The following POLG variants were observed in gnomAD, a reference collection of about 807,000 sequenced individuals.
The protein encoded by POLG is DNA polymerase gamma, catalytic subunit.
In POLG, 110 loss-of-function variants were observed where a neutral mutation model predicts 155.4. The observed-to-expected ratio is 0.71, with a 90% CI of 0.61 to 0.83. POLG has a LOEUF of 0.83. Ranked by LOEUF, POLG falls within the 40% of genes least tolerant of loss-of-function variation. POLG has a pLI of 0.00. For missense variants in POLG, 1,685 were observed against 1,627.5 expected (o/e 1.04, Z -0.61); for synonymous variants, 701 against 631.5 (o/e 1.11, Z -1.65).
At position 89,316,355 on chromosome 15, in the gene POLG, G is replaced by A; in HGVS notation, c.*396C>T. 6.4e-7 allele frequency: 1 copy of A among 1,574,072 alleles called. No homozygotes were observed. Among genetic ancestry groups the A allele is most frequent in the East Asian group, 2.3e-5 (1 of 43,912 alleles). ...TTCTTTTTATTTCCACTGCCTTGGA[G>A]CAGGTTTATCACGTTAGAGCATTAA... is the stretch of plus-strand genomic sequence containing the variant. On this transcript the variant is annotated 3_prime_UTR_variant, in exon 23 of 23. Transcript: ENST00000268124.
chr15:89,330,709 G>A (rs935365186), intron 2 of POLG, among the ~76,000 whole-genome samples: 3 of 151,150 alleles, frequency 2.0e-5, no homozygotes, highest in African/African-American at 7.3e-5. Flanking sequence ...CAGAACCCAA[G>A]GTGGAGATTT....
Position 89,319,065 on chromosome 15 carries a change from G to T in POLG, c.3139C>A (p.Arg1047=), listed in dbSNP as rs181860632. The part of the protein sequence containing the change: ...QWKKWEVVAE[R]AWKGGTESEM... ...GACTCTGTGCCCCCCTTCCATGCCC[G>T]TTCAGCAACCACCTCCCACTTCTTC... The change falls in exon 20 of 23, where the codon CGG becomes AGG. Residue 1047 remains arginine (R), a synonymous_variant. Coordinates refer to ENST00000268124, the MANE Select transcript of POLG (RefSeq NM_002693.3). 6.2e-7 allele frequency: 1 copy of T among 1,613,970 alleles called. No homozygotes were observed. The highest frequency in any genetic ancestry group is 8.5e-7 in the Non-Finnish European group (1 of 1,180,020).
intron 2 of POLG, 139 bp downstream of exon 2, chr15:89,332,957 G>T: frequency 8.8e-7 from 1 of 1,141,908 alleles, no homozygotes; most frequent in Non-Finnish European, 1.2e-6. Context: ...ATAAACAGGG[G>T]TCTAGTCCTA....
At chr15:89,322,254 C>A (rs556783578) in intron 14 of POLG, among the ~76,000 whole-genome samples, 2 of 152,276 alleles carry the variant, frequency 1.3e-5, no homozygotes, top group East Asian at 3.9e-4. Context: ...CGCTCCTCTC[C>A]GGGGGGCATC....
At chr15:89,330,028 G>C in intron 3 of POLG, 53 bp downstream of exon 3, 1 of 1,456,962 alleles carries the variant, frequency 6.9e-7, no homozygotes, top group Non-Finnish European at 9.6e-7. Flanking sequence ...ACTGAGATTA[G>C]GGCTCCTGGC....
chr15:89,324,044 C>T lies in POLG; in HGVS notation c.2070+63G>A. The stretch of plus-strand genomic sequence containing the variant: ...CCAGCCTCCCACCCAAAGGCTGCCC[C>T]TTCCCTGGGTGGAATACAGAGACCT... On this transcript the variant is annotated intron_variant, in intron 11 of 22. Transcript: ENST00000268124. 15 of 1,610,688 alleles carry T rather than the reference C, an allele frequency of 9.3e-6. No individual in the cohort carries two copies. In the South Asian group the frequency reaches 1.5e-4, roughly 17 times the overall value.
chr15:89,328,661 C>G (rs1035513267), intron 5 of POLG, 24 bp downstream of exon 5: 7 of 1,613,754 alleles, frequency 4.3e-6, no homozygotes, highest in Admixed American at 3.3e-5. Flanking sequence ...GCCCATGTCC[C>G]CAGAGCCCCC....
Position 89,319,115 on chromosome 15 carries a change from C to CA in POLG, c.3105-17dup. 4.3e-6 allele frequency: 7 copies of CA among 1,611,908 alleles called. No individual in the cohort carries two copies. The highest frequency in any genetic ancestry group is 5.9e-6 in the Non-Finnish European group (7 of 1,180,004). ...CCACTGTGACCTAAGGGACCAGAAA[C>CA]AGAGGGCAGACTTTGTCTTTCAGCA... On this transcript the variant is annotated splice_polypyrimidine_tract_variant and intron_variant, in intron 19 of 22. Transcript: ENST00000268124.
At chr15:89,327,416 C>A in intron 6 of POLG, 67 bp from the exon 7 acceptor site, 2 of 1,492,804 alleles carry the variant, frequency 1.3e-6, no homozygotes, top group Non-Finnish European at 1.8e-6. Context: ...AATCCCTGAG[C>A]TGGTTTAGCA....
chr15:89,318,775 G>T, intron 20 of POLG, 26 bp from the exon 21 acceptor site: 3 of 1,599,896 alleles, frequency 1.9e-6, no homozygotes, highest in Non-Finnish European at 2.6e-6. Context: ...GGGCAGAGGT[G>T]AAAGGGGCTA....
chr15:89,318,435 C>G (rs2055338483), intron 21 of POLG, 106 bp downstream of exon 21: 2 of 858,052 alleles, frequency 2.3e-6, no homozygotes. Flanking sequence ...ACATTCACTT[C>G]TAGGGGGATG....
intron 13 of POLG, 34 bp from the exon 14 acceptor site, chr15:89,322,936 A>G (rs990682918): frequency 3.1e-5 from 50 of 1,607,104 alleles, no homozygotes; most frequent in Non-Finnish European, 4.2e-5. Context: ...GGCTGGAGGC[A>G]GGTGGCAGAC....
intron 10 of POLG, among the ~76,000 whole-genome samples, chr15:89,325,195 A>AGAGTGAGTGAGT: frequency 2.0e-5 from 1 of 49,166 alleles, no homozygotes; most frequent in East Asian, 5.3e-4. Context: ...AGTGAGTGAG[A>AGAGTGAGTGAGT]GAGTGAGTGA....
In POLG at chr15:89,316,825, C is replaced by CACCTG. The variant is rs2055282956; in HGVS notation, c.3644-3_3645dup (p.Glu1216GlnfsTer10). ...ATTATCTGGTAAATATCCAGCGCTTCACCTGAAAGATAGTGCAAATTGGTT... is the reference window on the plus strand; with the variant it reads ...ATTATCTGGTAAATATCCAGCGCTTCACCTGACCTGAAAGATAGTGCAAATTGGTT... On this transcript the variant is annotated frameshift_variant and splice_region_variant, in exon 23 of 23. Coordinates refer to ENST00000268124, the MANE Select transcript of POLG (RefSeq NM_002693.3). LOFTEE classifies it high-confidence loss of function. 6.2e-7 allele frequency: 1 copy of CACCTG among 1,612,908 alleles called. No homozygotes were observed. The highest frequency in any genetic ancestry group is 2.2e-5 in the East Asian group (1 of 44,882).
chr15:89,328,667 C>A lies in POLG; in HGVS notation c.1170+18G>T, dbSNP rs747054217. 6.2e-7 allele frequency: 1 copy of A among 1,613,716 alleles called. No individual in the cohort carries two copies. The highest frequency in any genetic ancestry group is 1.3e-5 in the African/African-American group (1 of 74,910). Reference sequence around the variant, plus strand: ...TGTGCCACAGCCCATGTCCCCAGAGCCCCCTCCAGCACCATACCTGGAAGT... The same window carrying A: ...TGTGCCACAGCCCATGTCCCCAGAGACCCCTCCAGCACCATACCTGGAAGT... On this transcript the variant is annotated intron_variant, in intron 5 of 22. Transcript: ENST00000268124.
Position 89,326,711 on chromosome 15 carries a change from T to G in POLG, c.1613A>C (p.Glu538Ala), listed in dbSNP as rs767216577. The G allele has an allele frequency of 2.2e-5, 35 of 1,613,688 alleles. No individual in the cohort carries two copies. The Admixed American group carries it at 5.8e-4, about 27-fold the overall frequency. ...EDLGPCSEEEEFQQDVMARAC... is the reference protein window; with the variant it reads ...EDLGPCSEEEAFQQDVMARAC... ...GCGGGCCATGACATCTTGTTGAAAC[T>G]CCTCCTCCTCACTGCAGGGGCCGAG... Residue 538 changes from glutamate (E) to alanine (A), a missense_variant, in exon 9 of 23, where the codon GAG becomes GCG. Glu to Ala is a moderately radical substitution (Grantham distance 107). This residue lies in a region of POLG where 1,210 missense variants were observed against 1,167.1 expected (regional missense o/e 1.04). Coordinates refer to ENST00000268124, the MANE Select transcript of POLG (RefSeq NM_002693.3).
chr15:89,329,566 G>T (rs763342858), intron 3 of POLG, among the ~76,000 whole-genome samples: 1 of 152,172 alleles, frequency 6.6e-6, no homozygotes, highest in Non-Finnish European at 1.5e-5. Context: ...CTATCTTCTA[G>T]GGCTGTTGTG....
Position 89,333,169 on chromosome 15 carries a change from C to T in POLG, c.586G>A (p.Val196Met). 6.4e-7 allele frequency: 1 copy of T among 1,560,378 alleles called. No individual in the cohort carries two copies. ...GCCAAGCAGACCTCCACGTCGAACACCAGGGCCCGCTCCTCGGGGATGGCC... is the reference window on the plus strand; with the variant it reads ...GCCAAGCAGACCTCCACGTCGAACATCAGGGCCCGCTCCTCGGGGATGGCC... The part of the protein sequence containing the change: ...PVAIPEERAL[V>M]FDVEVCLAEG... The change falls in exon 2 of 23, where the codon GTG becomes ATG. Residue 196 changes from valine to methionine, a missense_variant. By Grantham distance (21) the Val-to-Met change is conservative (BLOSUM62 1). Coordinates refer to ENST00000268124, the MANE Select transcript of POLG (RefSeq NM_002693.3).
At chr15:89,327,928 T>C (rs902507442) in intron 6 of POLG, among the ~76,000 whole-genome samples, 9 of 152,216 alleles carry the variant, frequency 5.9e-5, no homozygotes, top group Non-Finnish European at 1.0e-4. Context: ...TTTTCTTTTA[T>C]CTAGCTTACT....
Sources: allele counts gnomAD v4.1 joint callset (sites outside exome capture counted in the v4.1 genomes callset), GRCh38; gene constraint gnomAD v4.1.1; regional missense constraint gnomAD v4.1.1; transcripts MANE v1.5; gene names NCBI Gene and HGNC (gene_info 2026-07-23, HGNC 2026-07-21).